SCNN1B: variants seen among roughly 807,000 people sequenced by gnomAD.
SCNN1B encodes the protein sodium channel epithelial 1 subunit beta.
SCNN1B carries 46 observed loss-of-function variants against 65.3 expected under a neutral mutation model. The observed-to-expected ratio is 0.70, with a 90% CI of 0.56 to 0.90. The LOEUF is 0.90. Among genes scored for constraint, SCNN1B ranks in the 40% least tolerant of loss-of-function variants. The pLI, the probability that SCNN1B is intolerant of heterozygous loss-of-function variation, is 0.00. For missense variants in SCNN1B, 751 were observed against 830.5 expected (o/e 0.90, Z 1.18); for synonymous variants, 349 against 330.6 (o/e 1.06, Z -0.60).
chr16:23,307,875 C>T (rs905915178), intron 1 of SCNN1B, among the ~76,000 whole-genome samples: 20 of 151,932 alleles, frequency 1.3e-4, no homozygotes, highest in Non-Finnish European at 2.4e-4. Flanking sequence ...CATAGCAAGA[C>T]CCTACAAAAA....
At chr16:23,303,909 ACT>A in intron 1 of SCNN1B, 1 of 705,042 alleles carries the variant, frequency 1.4e-6, no homozygotes, top group Non-Finnish European at 2.6e-6. Context: ...AAAGAGCAAG[ACT>A]CTGTTTCAGA....
At chr16:23,334,545 T>G (rs535536334) in intron 1 of SCNN1B, among the ~76,000 whole-genome samples, 44 of 152,324 alleles carry the variant, frequency 2.9e-4, no homozygotes, top group African/African-American at 1.0e-3. Context: ...CCTGAAACCC[T>G]GAGGCACACC....
chr16:23,355,957 G>A (rs1488237391), intron 4 of SCNN1B, among the ~76,000 whole-genome samples: 2 of 151,986 alleles, frequency 1.3e-5, no homozygotes, highest in Non-Finnish European at 2.9e-5. Context: ...AATTTTAAAA[G>A]GAAGGAGGAA....
intron 1 of SCNN1B, among the ~76,000 whole-genome samples, chr16:23,322,810 C>A (rs1429458311): frequency 3.9e-5 from 6 of 152,044 alleles, no homozygotes; most frequent in Non-Finnish European, 7.4e-5. Context: ...ATGTGTATAG[C>A]AAAATTTACA....
intron 1 of SCNN1B, among the ~76,000 whole-genome samples, chr16:23,339,038 C>T (rs1961999530): frequency 6.6e-6 from 1 of 152,236 alleles, no homozygotes; most frequent in South Asian, 2.1e-4. Flanking sequence ...ATCCACTACT[C>T]ACCCAAGGCC....
In SCNN1B at chr16:23,371,789, G is replaced by A. The variant is rs755499367; in HGVS notation, c.1058G>A (p.Arg353His). The A allele has an allele frequency of 5.6e-6, 9 of 1,614,108 alleles. No individual in the cohort carries two copies. Among genetic ancestry groups the A allele is most frequent in the East Asian group, 2.2e-5 (1 of 44,880 alleles). The change falls in exon 7 of 13, where the codon CGC becomes CAC. Residue 353 changes from arginine (R) to histidine (H), a missense_variant. Arg to His is a conservative substitution (Grantham distance 29, BLOSUM62 0). Transcript: ENST00000343070. ...SIGVLVDKLQ[R>H]MGEPYSPCTV... ...CTCTAAACACAGGACAAGCTTCAGC[G>A]CATGGGGGAGCCCTACAGCCCGTGC...
At chr16:23,278,423 GC>G (rs1341660562) in intron 1 of SCNN1B, 6 of 151,930 alleles carry the variant, frequency 3.9e-5, no homozygotes, top group Non-Finnish European at 5.9e-5. Context: ...GTTTTGTTTT[GC>G]TTTGTTTTGA....
intron 1 of SCNN1B, among the ~76,000 whole-genome samples, chr16:23,317,848 T>C (rs745824479): frequency 1.3e-5 from 2 of 152,200 alleles, no homozygotes; most frequent in Non-Finnish European, 2.9e-5. Flanking sequence ...TGCTGCCAAC[T>C]CCAGGGATGT....
chr16:23,355,710 T>C (rs1373579967), intron 4 of SCNN1B, among the ~76,000 whole-genome samples: 3 of 151,990 alleles, frequency 2.0e-5, no homozygotes, highest in Non-Finnish European at 2.9e-5. Flanking sequence ...TTGAGAGAAC[T>C]GTGTTAGGAA....
chr16:23,280,244 A>G (rs1960766191), intron 1 of SCNN1B, among the ~76,000 whole-genome samples: 1 of 150,404 alleles, frequency 6.6e-6, no homozygotes, highest in Non-Finnish European at 1.5e-5. Flanking sequence ...TTTTTTTTTG[A>G]GACAGAGTCT....
intron 4 of SCNN1B, 84 bp downstream of exon 4, chr16:23,355,573 G>A: frequency 7.1e-7 from 1 of 1,416,452 alleles, no homozygotes. Flanking sequence ...AGCCTGCCAG[G>A]GTTCCAATCC....
chr16:23,308,808 T>C (rs1268751434), intron 1 of SCNN1B, among the ~76,000 whole-genome samples: 1 of 151,964 alleles, frequency 6.6e-6, no homozygotes, highest in Admixed American at 6.5e-5. Context: ...AATTCTTGTA[T>C]TTTTTGTAGA....
intron 2 of SCNN1B, among the ~76,000 whole-genome samples, chr16:23,295,402 G>A (rs1960981559): frequency 6.6e-6 from 1 of 151,168 alleles, no homozygotes; most frequent in Non-Finnish European, 1.5e-5. Flanking sequence ...TTTTGTAGAG[G>A]TGGGATCTTG....
chr16:23,323,569 CACA>C, intron 1 of SCNN1B: 1 of 702,960 alleles, frequency 1.4e-6, no homozygotes, highest in Non-Finnish European at 2.6e-6. Flanking sequence ...GAAACCAGGG[CACA>C]GAGAGGGTGA....
intron 4 of SCNN1B, among the ~76,000 whole-genome samples, chr16:23,359,902 T>G (rs1438660420): frequency 6.6e-6 from 1 of 152,164 alleles, no homozygotes; most frequent in African/African-American, 2.4e-5. Flanking sequence ...ATAGGAGCAT[T>G]TTTTTAAAAA....
intron 5 of SCNN1B, among the ~76,000 whole-genome samples, chr16:23,368,181 T>C (rs1962712295): frequency 6.6e-6 from 1 of 152,148 alleles, no homozygotes; most frequent in Non-Finnish European, 1.5e-5. Flanking sequence ...GGGTAGCAAC[T>C]GGTGTTCCCA....
At position 23,305,577 on chromosome 16, in the gene SCNN1B, T is replaced by TAAA. The variant is rs1418310041; in HGVS notation, c.-9+3140_-9+3141insAAA. 7.7e-3 allele frequency among the ~76,000 whole-genome samples: 181 copies of TAAA among 23,646 alleles called. 7 individuals carry two copies. Among genetic ancestry groups the TAAA allele is most frequent in the African/African-American group, 0.038 (145 of 3,816 alleles). The allele number at this position is 23,646 out of a possible 152,430, so 15.5% of individuals were successfully genotyped here. ...ATATATATATATATATATATATATA[T>TAAA]TATATATATATATATATATATAACC... On this transcript the variant is annotated intron_variant, in intron 1 of 12. Coordinates refer to ENST00000343070, the MANE Select transcript of SCNN1B (RefSeq NM_000336.3).
intron 1 of SCNN1B, chr16:23,304,034 A>C (rs1330264155): frequency 3.9e-6 from 6 of 1,530,066 alleles, no homozygotes; most frequent in Non-Finnish European, 5.3e-6. Flanking sequence ...TATTTATTTA[A>C]ACTGCTGCAT....
chr16:23,310,313 A>AC (rs1961314636), intron 1 of SCNN1B, among the ~76,000 whole-genome samples: 2 of 148,738 alleles, frequency 1.3e-5, no homozygotes, highest in African/African-American at 5.0e-5. Context: ...AAAAAAAAAA[A>AC]CCCACATAAA....
Sources: gnomAD v4.1 joint callset for allele counts (sites outside exome capture counted in the v4.1 genomes callset) on GRCh38, gnomAD v4.1.1 for gene constraint, MANE v1.5 for transcripts, NCBI Gene and HGNC (gene_info 2026-07-23, HGNC 2026-07-21) for gene names.